MAPK8: variants seen among roughly 807,000 people sequenced by gnomAD.
The protein encoded by MAPK8 is JUN N-terminal kinase.
MAPK8 carries 13 observed loss-of-function variants against 52.9 expected under a neutral mutation model. The ratio of observed to expected loss-of-function variants is 0.25; its 90% CI spans 0.16 to 0.39. The LOEUF (loss-of-function observed/expected upper bound fraction) is 0.39, where lower values mean the gene tolerates loss of function less well. MAPK8 is among the 10% of genes least tolerant of loss of function. The pLI, the probability that MAPK8 is intolerant of heterozygous loss-of-function variation, is 1.00. For synonymous variants in MAPK8, 191 were observed against 169.8 expected (o/e 1.12, Z -0.97); for missense variants, 300 against 519.2 (o/e 0.58, Z 4.10).
intron 10 of MAPK8, among the ~76,000 whole-genome samples, chr10:48,429,005 T>C (rs140416463): frequency 1.3e-5 from 2 of 151,816 alleles, no homozygotes; most frequent in Non-Finnish European, 2.9e-5. Context: ...TTTTTTTTTT[T>C]GAGACAGGGT....
intron 1 of MAPK8, among the ~76,000 whole-genome samples, chr10:48,347,641 TGTG>T (rs1408657614): frequency 2.0e-5 from 3 of 152,168 alleles, no homozygotes; most frequent in African/African-American, 7.2e-5. Flanking sequence ...AGTGAGAACA[TGTG>T]GTGGTTGGTT....
At chr10:48,423,511 T>C (rs1434510909) in intron 6 of MAPK8, among the ~76,000 whole-genome samples, 1 of 152,190 alleles carries the variant, frequency 6.6e-6, no homozygotes, top group Non-Finnish European at 1.5e-5. Context: ...GGACTTTTAA[T>C]TCAGAACAAG....
At chr10:48,425,753 GC>G (rs1467237911) in intron 7 of MAPK8, 134 bp from the exon 8 acceptor site, 2 of 516,620 alleles carry the variant, frequency 3.9e-6, no homozygotes, top group Non-Finnish European at 6.8e-6. Flanking sequence ...TTTGCAGGGT[GC>G]CTGTGAGATA....
chr10:48,315,601 G>T (rs1377413116), intron 1 of MAPK8, among the ~76,000 whole-genome samples: 10 of 141,338 alleles, frequency 7.1e-5, no homozygotes, highest in East Asian at 2.0e-4. Context: ...ATATATTTAA[G>T]TTTTTTTTTT....
chr10:48,425,167 G>A (rs926695747), intron 7 of MAPK8: 4 of 763,724 alleles, frequency 5.2e-6, no homozygotes, highest in Non-Finnish European at 9.8e-6. Context: ...GTAACACTTA[G>A]AATTGTTTCA....
At position 48,427,091 on chromosome 10, in the gene MAPK8, G is replaced by C; in HGVS notation, c.1008G>C (p.Lys336Asn). The C allele has an allele frequency of 6.2e-7, 1 of 1,613,070 alleles. No homozygotes were observed. Among genetic ancestry groups the C allele is most frequent in the Non-Finnish European group, 8.5e-7 (1 of 1,179,380 alleles). ...DPSEAEAPPP[K>N]IPDKQLDERE... is the part of the protein sequence containing the mutation. The stretch of plus-strand genomic sequence containing the variant: ...CTTGTGTTTTTCAGCCACCACCAAA[G>C]ATCCCTGACAAGCAGTTAGATGAAA... The change falls in exon 10 of 12, where the codon AAG becomes AAC. Residue 336 changes from lysine (K) to asparagine (N), a missense_variant. This residue lies in a region of MAPK8 where 119 missense variants were observed against 154.4 expected (regional missense o/e 0.77). Coordinates refer to ENST00000374189, the MANE Select transcript of MAPK8 (RefSeq NM_001323329.2).
chr10:48,387,507 T>C (rs1241177514), intron 1 of MAPK8, among the ~76,000 whole-genome samples: 4 of 152,174 alleles, frequency 2.6e-5, no homozygotes, highest in African/African-American at 7.2e-5. Flanking sequence ...TATAAGATTA[T>C]ATATTTTTAT....
At chr10:48,392,288 G>A (rs1313825353) in intron 1 of MAPK8, among the ~76,000 whole-genome samples, 1 of 152,110 alleles carries the variant, frequency 6.6e-6, no homozygotes, top group African/African-American at 2.4e-5. Flanking sequence ...CTGGTGAAAG[G>A]AGGATGGGAA....
intron 5 of MAPK8, 75 bp downstream of exon 5, chr10:48,410,243 C>T: frequency 7.5e-7 from 1 of 1,325,622 alleles, no homozygotes; most frequent in Non-Finnish European, 1.0e-6. Context: ...ATTAACCATT[C>T]TAAAGTGGCA....
At chr10:48,375,052 G>C (rs940257995) in intron 1 of MAPK8, among the ~76,000 whole-genome samples, 1 of 151,694 alleles carries the variant, frequency 6.6e-6, no homozygotes, top group African/African-American at 2.4e-5. Flanking sequence ...GATCAAGTCT[G>C]CTTCATCCCT....
At chr10:48,384,512 A>G (rs2041196332) in intron 1 of MAPK8, among the ~76,000 whole-genome samples, 1 of 152,176 alleles carries the variant, frequency 6.6e-6, no homozygotes, top group South Asian at 2.1e-4. Context: ...AAAATTACTG[A>G]GTTCAGCTGG....
intron 1 of MAPK8, among the ~76,000 whole-genome samples, chr10:48,400,978 TTC>T (rs2042131217): frequency 1.1e-4 from 16 of 152,152 alleles, no homozygotes; most frequent in Admixed American, 1.0e-3. Flanking sequence ...GCCTAACTAC[TTC>T]TCTCTCTCTC....
chr10:48,316,080 G>C (rs1379639913), intron 1 of MAPK8, among the ~76,000 whole-genome samples: 1 of 152,204 alleles, frequency 6.6e-6, no homozygotes, highest in African/African-American at 2.4e-5. Flanking sequence ...ACAAGTTGGG[G>C]ATCACTTGAT....
At chr10:48,368,714 A>G (rs1001721200) in intron 1 of MAPK8, among the ~76,000 whole-genome samples, 2 of 152,232 alleles carry the variant, frequency 1.3e-5, no homozygotes, top group African/African-American at 2.4e-5. Flanking sequence ...TCTTAGTTAT[A>G]AGTCAGAAAC....
intron 1 of MAPK8, among the ~76,000 whole-genome samples, chr10:48,395,557 A>G (rs2041846209): frequency 6.6e-6 from 1 of 152,122 alleles, no homozygotes; most frequent in Non-Finnish European, 1.5e-5. Flanking sequence ...CATCCAAATT[A>G]AAAACTTTTG....
chr10:48,381,632 A>T (rs948979569), intron 1 of MAPK8, among the ~76,000 whole-genome samples: 1 of 152,186 alleles, frequency 6.6e-6, no homozygotes, highest in Non-Finnish European at 1.5e-5. Context: ...TTGTTTATTA[A>T]CAGATCTAAA....
chr10:48,355,160 T>A (rs575982749), intron 1 of MAPK8, among the ~76,000 whole-genome samples: 24 of 152,290 alleles, frequency 1.6e-4, no homozygotes, highest in South Asian at 6.2e-4. Context: ...AGAGATTTTT[T>A]AAAAATAGCT....
At chr10:48,363,654 G>C (rs972160786) in intron 1 of MAPK8, among the ~76,000 whole-genome samples, 7 of 152,130 alleles carry the variant, frequency 4.6e-5, no homozygotes, top group Admixed American at 2.0e-4. Flanking sequence ...AGGGAATTGA[G>C]CAGTAGGACG....
rs2044805168 is a variant in MAPK8, at chr10:48,435,772, G to A, written c.*743G>A. 6.6e-6 allele frequency: 1 copy of A among 152,180 alleles called. No individual in the cohort carries two copies. Among genetic ancestry groups the A allele is most frequent in the Non-Finnish European group, 1.5e-5 (1 of 68,038 alleles). 9.4% of individuals were successfully genotyped at this position (152,180 alleles called of 1,614,324 possible). On this transcript the variant is annotated 3_prime_UTR_variant, in exon 12 of 12. Transcript: ENST00000374189. ...CAAAAATAAGTAAAAAGAATATGGT[G>A]TATTCTACAAATTTGTGGCATGCTC...
Sources: allele counts gnomAD v4.1 joint callset (sites outside exome capture counted in the v4.1 genomes callset), GRCh38; gene constraint gnomAD v4.1.1; regional missense constraint gnomAD v4.1.1; transcripts MANE v1.5; gene names NCBI Gene and HGNC (gene_info 2026-07-23, HGNC 2026-07-21).